The following CLCN5 variants were observed in gnomAD, a reference collection of about 807,000 sequenced individuals.
The protein encoded by CLCN5 is H(+)/Cl(-) exchange transporter 5.
Under a neutral mutation model 54.0 loss-of-function variants are expected in CLCN5, and 17 were observed. The ratio of observed to expected loss-of-function variants is 0.31; its 90% CI spans 0.22 to 0.47. The LOEUF is 0.47. Among genes scored for constraint, CLCN5 ranks in the 20% least tolerant of loss-of-function variants. The pLI, the probability that CLCN5 is intolerant of heterozygous loss-of-function variation, is 1.00. For missense variants in CLCN5, 448 were observed against 646.7 expected, an observed-to-expected ratio of 0.69 and a Z score of 3.33; for synonymous variants, 222 against 233.0, an observed-to-expected ratio of 0.95 and a Z score of 0.43.
intron 2 of CLCN5, among the ~76,000 whole-genome samples, chrX:49,924,145 ATT>A (rs34424526): frequency 0.081 from 6,851 of 84,337 alleles, 671 homozygotes; most frequent in African/African-American, 0.29. Context: ...CCTAGCTCCT[ATT>A]TTTTTTTTTT....
chrX:49,950,322 C>G lies in CLCN5; in HGVS notation c.16+25008C>G, dbSNP rs892454558. Among the ~76,000 whole-genome samples, 36 of 111,895 alleles carry G rather than the reference C, an allele frequency of 3.2e-4. 1 individual carries two copies. Among genetic ancestry groups the G allele is most frequent in the African/African-American group, 1.1e-3 (33 of 30,845 alleles). ...GGGAGTAGAACCAGCATTTGATTTG[C>G]TTTATGAAATTGGGAAATACACTTG... On this transcript the variant is annotated intron_variant, in intron 3 of 14. Transcript: ENST00000376091.
intron 6 of CLCN5, among the ~76,000 whole-genome samples, chrX:50,074,840 G>A (rs1192161090): frequency 8.9e-6 from 1 of 111,908 alleles, no homozygotes; most frequent in African/African-American, 3.2e-5. Context: ...TTCAAGGGCT[G>A]TGAATTTTGT....
chrX:49,979,363 T>A (rs782120054), intron 3 of CLCN5, among the ~76,000 whole-genome samples: 1 of 111,729 alleles, frequency 9.0e-6, no homozygotes, highest in Non-Finnish European at 1.9e-5. Flanking sequence ...TACACCAGAG[T>A]TTATTTGATC....
intron 3 of CLCN5, among the ~76,000 whole-genome samples, chrX:49,982,936 T>C (rs1928817419): frequency 8.9e-6 from 1 of 112,151 alleles, no homozygotes; most frequent in African/African-American, 3.2e-5. Context: ...TAATATCACA[T>C]AGATTCCTTG....
At position 50,067,602 on chromosome X, in the gene CLCN5, C is replaced by G. The variant is rs1307131966; in HGVS notation, c.164-2277C>G. On this transcript the variant is annotated intron_variant, in intron 4 of 14. Coordinates refer to ENST00000376091, the MANE Select transcript of CLCN5 (RefSeq NM_001127898.4). ...GGAACACTGGTAGTTCTTTAGGTGG[C>G]GTTTGTTGCTGTGAAAGGCAGAGAA... is the stretch of plus-strand genomic sequence containing the variant. The G allele has an allele frequency of 4.0e-6, 3 of 751,711 alleles. No homozygotes were observed. In the African/African-American group the frequency reaches 7.0e-5, roughly 17 times the overall value. The allele number at this position is 751,711 out of a possible 1,213,427, so 61.9% of individuals were successfully genotyped here. A position where few individuals can be genotyped will look rare whatever the true frequency, so the allele number is the denominator to read the frequency against.
chrX:50,036,820 T>C (rs111748212), intron 3 of CLCN5, among the ~76,000 whole-genome samples: 6,750 of 112,015 alleles, frequency 0.06, 539 homozygotes, highest in African/African-American at 0.21. Flanking sequence ...AGTCACCATA[T>C]GGGACTCATG....
chrX:49,988,287 T>A (rs1929074388), intron 3 of CLCN5, among the ~76,000 whole-genome samples: 1 of 111,612 alleles, frequency 9.0e-6, no homozygotes, highest in Non-Finnish European at 1.9e-5. Flanking sequence ...TCCTCACCAC[T>A]ATTTCCAAGT....
intron 7 of CLCN5, among the ~76,000 whole-genome samples, chrX:50,078,563 C>T (rs782415398): frequency 1.4e-4 from 16 of 112,210 alleles, no homozygotes; most frequent in African/African-American, 2.6e-4. Flanking sequence ...TGTGTATGTG[C>T]GCGCACGCAT....
intron 4 of CLCN5, among the ~76,000 whole-genome samples, chrX:50,044,565 T>TA (rs1408463375): frequency 2.7e-5 from 3 of 111,286 alleles, no homozygotes; most frequent in East Asian, 5.6e-4. Flanking sequence ...AAGGAGTCAG[T>TA]GAAGGGTGGT....
intron 4 of CLCN5, among the ~76,000 whole-genome samples, chrX:50,061,881 C>T (rs1442007506): frequency 2.1e-5 from 1 of 47,703 alleles, no homozygotes. Flanking sequence ...GAATTTTCAA[C>T]CCAGAATTTC....
At chrX:50,056,249 A>C (rs1679955089) in intron 4 of CLCN5, among the ~76,000 whole-genome samples, 1 of 110,688 alleles carries the variant, frequency 9.0e-6, no homozygotes, top group African/African-American at 3.3e-5. Context: ...GGACAGAAGA[A>C]CTGGAGAATT....
At chrX:49,956,927 C>T (rs894892378) in intron 3 of CLCN5, among the ~76,000 whole-genome samples, 5 of 111,696 alleles carry the variant, frequency 4.5e-5, no homozygotes, top group African/African-American at 3.3e-5. Flanking sequence ...CAGGAATTGA[C>T]TTGGTCCTGT....
At chrX:49,995,401 A>G (rs1404451642) in intron 3 of CLCN5, among the ~76,000 whole-genome samples, 7 of 112,102 alleles carry the variant, frequency 6.2e-5, no homozygotes, top group Non-Finnish European at 1.1e-4. Flanking sequence ...GAAAATAGTT[A>G]CGGAGTTTCT....
At chrX:50,008,963 T>G (rs1557182038) in intron 3 of CLCN5, 1 of 386,136 alleles carries the variant, frequency 2.6e-6, no homozygotes, top group South Asian at 2.4e-5. Context: ...CTGCTCCCCC[T>G]CTTGAATCCT....
intron 7 of CLCN5, among the ~76,000 whole-genome samples, chrX:50,077,646 G>A (rs1933478998): frequency 9.9e-6 from 1 of 101,091 alleles, no homozygotes; most frequent in African/African-American, 3.6e-5. Context: ...GTGTGTGTGT[G>A]TGTGTGTGTA....
intron 9 of CLCN5, among the ~76,000 whole-genome samples, chrX:50,082,624 G>A (rs1277386889): frequency 1.8e-5 from 2 of 111,486 alleles, no homozygotes; most frequent in Non-Finnish European, 3.8e-5. Context: ...ACGTCAAACT[G>A]TTAAAAATGT....
intron 3 of CLCN5, among the ~76,000 whole-genome samples, chrX:49,942,445 G>A (rs1182415321): frequency 9.2e-6 from 1 of 108,222 alleles, no homozygotes; most frequent in Non-Finnish European, 1.9e-5. Flanking sequence ...GGGTACATGT[G>A]CACAATGTGC....
At chrX:50,010,031 G>A (rs1241984315) in intron 3 of CLCN5, among the ~76,000 whole-genome samples, 2 of 111,089 alleles carry the variant, frequency 1.8e-5, no homozygotes, top group Non-Finnish European at 3.8e-5. Context: ...CATTGCCCCT[G>A]CATATACTGA....
chrX:50,055,416 C>T lies in CLCN5; in HGVS notation c.163+12954C>T, dbSNP rs782224726. Among the ~76,000 whole-genome samples the T allele has an allele frequency of 1.3e-4, 14 of 111,796 alleles. No individual in the cohort carries two copies. The East Asian group carries it at 3.4e-3, about 27-fold the overall frequency. ...GCTAGGATTGGAATCCACATCTTCT[C>T]ACTGCAGGATAATAGGTCTGATCAC... On this transcript the variant is annotated intron_variant, in intron 4 of 14. Coordinates refer to ENST00000376091, the MANE Select transcript of CLCN5 (RefSeq NM_001127898.4).
Sources: allele counts gnomAD v4.1 joint callset (sites outside exome capture counted in the v4.1 genomes callset), GRCh38; gene constraint gnomAD v4.1.1; transcripts MANE v1.5; gene names NCBI Gene and HGNC (gene_info 2026-07-23, HGNC 2026-07-21).